Variants in PRPF8 observed in about 807,000 individuals in gnomAD.
PRPF8 encodes pre-mRNA-processing-splicing factor 8.
A neutral mutation model predicts 285.9 loss-of-function variants in PRPF8; 64 were observed. The observed-to-expected ratio is 0.22, with a 90% CI of 0.18 to 0.28. The LOEUF is 0.28. Among genes scored for constraint, PRPF8 ranks in the 10% least tolerant of loss-of-function variants. The probability of loss-of-function intolerance (pLI) is 1.00; values close to 1 mark genes in which losing one functional copy is unlikely to be tolerated. For synonymous variants in PRPF8, 1,325 were observed against 1,118.2 expected (o/e 1.18, Z -3.69); for missense variants, 1,426 against 3,026.7 (o/e 0.47, Z 12.41).
chr17:1,670,581 G>T (rs968826882), intron 24 of PRPF8, among the ~76,000 whole-genome samples: 11 of 152,110 alleles, frequency 7.2e-5, no homozygotes, highest in African/African-American at 2.7e-4. Context: ...CCGCCTCCCG[G>T]GTTCCAGCGA....
At chr17:1,684,625 G>A (rs946603081) in intron 1 of PRPF8, 43 bp from the exon 2 acceptor site, 4 of 1,583,816 alleles carry the variant, frequency 2.5e-6, no homozygotes, top group Middle Eastern at 3.4e-4. Flanking sequence ...CCACAGGCCC[G>A]GGCCCACAAG....
chr17:1,681,035 A>C lies in PRPF8; in HGVS notation c.886T>G (p.Phe296Val), dbSNP rs1330202224. The change falls in exon 7 of 43, where the codon TTC becomes GTC. Residue 296 changes from phenylalanine (F) to valine (V), a missense_variant. Physicochemically the swap from Phe to Val is conservative, Grantham distance 50. Transcript: ENST00000304992. Reference sequence around the variant, plus strand: ...ATGATAATCTTGTTAATATCATTGAATTCATTCCAGTCTTCATCCCTAGGG... The same window carrying C: ...ATGATAATCTTGTTAATATCATTGACTTCATTCCAGTCTTCATCCCTAGGG... Reference protein sequence around the residue: ...INLQDEDWNEFNDINKIIIRQ... With the variant: ...INLQDEDWNEVNDINKIIIRQ... 2 of 1,613,496 alleles carry C rather than the reference A, an allele frequency of 1.2e-6. No homozygotes were observed. The highest frequency in any genetic ancestry group is 1.7e-6 in the Non-Finnish European group (2 of 1,179,580).
chr17:1,677,318 C>A, intron 14 of PRPF8, 146 bp from the exon 15 acceptor site: 1 of 996,368 alleles, frequency 1.0e-6, no homozygotes. Context: ...TGCAAAAAGA[C>A]GAGCTACCTT....
intron 21 of PRPF8, 38 bp downstream of exon 21, chr17:1,674,404 A>T: frequency 6.3e-7 from 1 of 1,592,316 alleles, no homozygotes. Flanking sequence ...CACATGCCTC[A>T]GTACCCTGCA....
In PRPF8 at chr17:1,651,053, T is replaced by C. The variant is rs1027366927; in HGVS notation, c.6853+55A>G. 2.3e-5 allele frequency: 37 copies of C among 1,613,650 alleles called. No homozygotes were observed. The highest frequency in any genetic ancestry group is 4.0e-5 in the African/African-American group (3 of 74,906). On this transcript the variant is annotated intron_variant, in intron 42 of 42. Coordinates refer to ENST00000304992, the MANE Select transcript of PRPF8 (RefSeq NM_006445.4). The surrounding 1 kb of genome is among the most constrained non-coding windows in gnomAD (Gnocchi z 5.1). ...GCCAGGCCCCAAGTGCAAAGGGCGA[T>C]GGCCTCACCTTATCCCTACTGCTAT... is the stretch of plus-strand genomic sequence containing the variant.
Position 1,655,547 on chromosome 17 carries a change from G to A in PRPF8, c.5794-4C>T. The A allele has an allele frequency of 6.2e-7, 1 of 1,611,098 alleles. No homozygotes were observed. The highest frequency in any genetic ancestry group is 8.5e-7 in the Non-Finnish European group (1 of 1,177,294). The stretch of plus-strand genomic sequence containing the variant: ...TCAGGATGAGACGGGAGAAGGCCTG[G>A]GAAAAGATTTGGAAGAGTGGGGTAG... On this transcript the variant is annotated splice_polypyrimidine_tract_variant and splice_region_variant and intron_variant, in intron 36 of 42. Transcript: ENST00000304992.
At chr17:1,667,635 C>T (rs547852135) in intron 24 of PRPF8, among the ~76,000 whole-genome samples, 2 of 151,120 alleles carry the variant, frequency 1.3e-5, no homozygotes, top group Admixed American at 6.6e-5. Flanking sequence ...CCTCCACCTC[C>T]GGGGCTCAAG....
Position 1,658,508 on chromosome 17 carries a change from ACTG to A in PRPF8, c.5376+15_5376+17del, listed in dbSNP as rs1911513855. 6 of 1,612,066 alleles carry A rather than the reference ACTG, an allele frequency of 3.7e-6. No homozygotes were observed. The African/African-American group carries it at 5.3e-5, about 14-fold the overall frequency. ...CATGTACAGAGTCCCGCACCTATAC[ACTG>A]CTGCTAACACTCACCTTGTGAATAG... On this transcript the variant is annotated intron_variant, in intron 33 of 42. Coordinates refer to ENST00000304992, the MANE Select transcript of PRPF8 (RefSeq NM_006445.4). This position sits in a 1 kb window ranked among gnomAD's most constrained non-coding sequence, Gnocchi z 4.1.
chr17:1,659,803 T>C lies in PRPF8; in HGVS notation c.4946+38A>G. 3 of 1,607,932 alleles carry C rather than the reference T, an allele frequency of 1.9e-6. No homozygotes were observed. Among genetic ancestry groups the C allele is most frequent in the Non-Finnish European group, 2.6e-6 (3 of 1,175,136 alleles). On this transcript the variant is annotated intron_variant, in intron 31 of 42. Coordinates refer to ENST00000304992, the MANE Select transcript of PRPF8 (RefSeq NM_006445.4). This position sits in a 1 kb window ranked among gnomAD's most constrained non-coding sequence, Gnocchi z 5.1. ...GGCTAGAAGAACAGGAAAACGAAAG[T>C]GTCCTGGCTGCCTAGGGCTGGGTCC...
chr17:1,677,994 T>C (rs927330350), intron 13 of PRPF8, among the ~76,000 whole-genome samples: 1 of 151,998 alleles, frequency 6.6e-6, no homozygotes, highest in Non-Finnish European at 1.5e-5. Context: ...TGTCTAAATG[T>C]ATACATGAAA....
intron 24 of PRPF8, among the ~76,000 whole-genome samples, chr17:1,665,544 A>G (rs1003855553): frequency 1.4e-5 from 2 of 141,458 alleles, no homozygotes; most frequent in African/African-American, 5.3e-5. Flanking sequence ...TCTCAAACAA[A>G]AAAAAACGAG....
chr17:1,676,240 A>G lies in PRPF8; in HGVS notation c.2519T>C (p.Ile840Thr). The G allele has an allele frequency of 6.2e-7, 1 of 1,614,024 alleles. No homozygotes were observed. Reference protein sequence around the residue: ...LSYKHDTKLLILALERLKEAY... With the variant: ...LSYKHDTKLLTLALERLKEAY... The stretch of plus-strand genomic sequence containing the variant: ...TTCCTTGAGCCGCTCCAATGCCAAG[A>G]TGAGCAACTTGGTGTCATGCTTATA... The change falls in exon 17 of 43, where the codon ATC becomes ACC. Residue 840 changes from isoleucine to threonine, a missense_variant. Coordinates refer to ENST00000304992, the MANE Select transcript of PRPF8 (RefSeq NM_006445.4). The surrounding 1 kb of genome is among the most constrained non-coding windows in gnomAD (Gnocchi z 6.3).
rs565888137 is a variant in PRPF8 at position 1,672,452 on chromosome 17, G to T, written c.3774+629C>A. On this transcript the variant is annotated intron_variant, in intron 24 of 42. Coordinates refer to ENST00000304992, the MANE Select transcript of PRPF8 (RefSeq NM_006445.4). ...CGGCCACCAGGCCCGGTTAATTTTT[G>T]TATTTTTAGCAGAGACGAGGTTTCA... 3.2e-3 allele frequency among the ~76,000 whole-genome samples: 481 copies of T among 152,248 alleles called. 4 individuals carry two copies. Among genetic ancestry groups the T allele is most frequent in the Admixed American group, 0.022 (332 of 15,288 alleles).
chr17:1,669,381 G>A (rs866996586), intron 24 of PRPF8, among the ~76,000 whole-genome samples: 12 of 152,232 alleles, frequency 7.9e-5, no homozygotes, highest in Middle Eastern at 3.4e-3. Context: ...CTGGGATTAC[G>A]GGCGTGAGCC....
In PRPF8 at chr17:1,680,767, C is replaced by T; in HGVS notation, c.1057G>A (p.Asp353Asn). 1 of 1,614,058 alleles carries T rather than the reference C, an allele frequency of 6.2e-7. No individual in the cohort carries two copies. Among genetic ancestry groups the T allele is most frequent in the Non-Finnish European group, 8.5e-7 (1 of 1,179,990 alleles). The part of the protein sequence containing the change: ...EDPDLPAFYF[D>N]PLINPISHRH... ...TGGGAGATTGGGTTGATCAAAGGGT[C>T]AAAGTAGAAAGCTGGCAAGTCAGGA... Residue 353 changes from aspartate (D) to asparagine (N), a missense_variant, in exon 8 of 43, where the codon GAC (aspartate) becomes AAC (asparagine). By Grantham distance (23) the Asp-to-Asn change is conservative (BLOSUM62 1). Around this residue, in one of 34 missense-constraint regions of PRPF8, gnomAD observed 10 missense variants for 29.5 expected, o/e 0.34. Coordinates refer to ENST00000304992, the MANE Select transcript of PRPF8 (RefSeq NM_006445.4).
rs759675975 is a variant in PRPF8 at position 1,681,724 on chromosome 17, G to A, written c.654-34C>T. 4.3e-6 allele frequency: 7 copies of A among 1,611,394 alleles called. No homozygotes were observed. In the Admixed American group the frequency reaches 1.2e-4, roughly 27 times the overall value. The stretch of plus-strand genomic sequence containing the variant: ...AAAATGAAAGGCCCACCTCAAGTAA[G>A]CAGCTAGACAAACCCATACCACCTA... On this transcript the variant is annotated intron_variant, in intron 5 of 42. Transcript: ENST00000304992.
Position 1,673,351 on chromosome 17 carries a change from C to T in PRPF8, c.3657+6G>A. The T allele has an allele frequency of 6.2e-7, 1 of 1,614,020 alleles. No individual in the cohort carries two copies. Among genetic ancestry groups the T allele is most frequent in the South Asian group, 1.1e-5 (1 of 91,086 alleles). On this transcript the variant is annotated splice_donor_region_variant and intron_variant, in intron 23 of 42. Coordinates refer to ENST00000304992, the MANE Select transcript of PRPF8 (RefSeq NM_006445.4). This position sits in a 1 kb window ranked among gnomAD's most constrained non-coding sequence, Gnocchi z 5.5. ...CATGTCACTCCCAGCCCCGCCCAGG[C>T]TGTACCTCATTCTGCAGGTTCCAGA...
intron 24 of PRPF8, among the ~76,000 whole-genome samples, chr17:1,663,382 TTTA>T (rs1457236748): frequency 6.6e-6 from 1 of 152,044 alleles, no homozygotes; most frequent in Non-Finnish European, 1.5e-5. Flanking sequence ...AATTGAGGTA[TTTA>T]GACCATTTGT....
At chr17:1,678,994 C>G in intron 11 of PRPF8, 23 bp downstream of exon 11, 1 of 1,613,860 alleles carries the variant, frequency 6.2e-7, no homozygotes. Context: ...GCCCAGGAGG[C>G]CCCTAGGGTC....
Sources: gnomAD v4.1 joint callset for allele counts (sites outside exome capture counted in the v4.1 genomes callset) on GRCh38, gnomAD v4.1.1 for gene constraint, gnomAD v4.1.1 regional missense constraint, Gnocchi (gnomAD v3.1) non-coding constraint, MANE v1.5 for transcripts, NCBI Gene and HGNC (gene_info 2026-07-23, HGNC 2026-07-21) for gene names.